RBFOX1: variants seen among roughly 807,000 people sequenced by gnomAD.
RBFOX1 encodes RNA binding fox-1 homolog 1.
In RBFOX1, 8 loss-of-function variants were observed where a neutral mutation model predicts 57.7. The observed-to-expected ratio is 0.14, with a 90% CI of 0.08 to 0.25. RBFOX1 has a LOEUF of 0.25. Among genes scored for constraint, RBFOX1 ranks in the 10% least tolerant of loss-of-function variants. The probability of loss-of-function intolerance (pLI) is 1.00; values close to 1 mark genes in which losing one functional copy is unlikely to be tolerated. For missense variants in RBFOX1, 611 were observed against 548.5 expected, an observed-to-expected ratio of 1.11 and a Z score of -1.14; for synonymous variants, 326 against 222.4, an observed-to-expected ratio of 1.47 and a Z score of -4.15.
chr16:7,249,284 C>G (rs1219518881), intron 4 of RBFOX1, among the ~76,000 whole-genome samples: 1 of 151,796 alleles, frequency 6.6e-6, no homozygotes, highest in East Asian at 1.9e-4. Flanking sequence ...TCCTTCTTTT[C>G]TTTCTATTGG....
At chr16:6,680,504 C>A (rs2058489577) in intron 3 of RBFOX1, among the ~76,000 whole-genome samples, 1 of 152,078 alleles carries the variant, frequency 6.6e-6, no homozygotes, top group Non-Finnish European at 1.5e-5. Flanking sequence ...ACCTCATGAT[C>A]CGCCTGCCTC....
At position 6,914,880 on chromosome 16, in the gene RBFOX1, C is replaced by A. The variant is rs1173039957; in HGVS notation, c.-15-137177C>A. Among the ~76,000 whole-genome samples, 2 of 152,144 alleles carry A rather than the reference C, an allele frequency of 1.3e-5. 1 individual carries two copies. The highest frequency in any genetic ancestry group is 4.1e-4 in the South Asian group (2 of 4,826). ...TCCAAGCTGGGCAACAGAGCAAGAC[C>A]CTCTCAAAAACAAAACACAGATGGA... On this transcript the variant is annotated intron_variant, in intron 3 of 15. Coordinates refer to ENST00000550418, the MANE Select transcript of RBFOX1 (RefSeq NM_018723.4).
intron 4 of RBFOX1, among the ~76,000 whole-genome samples, chr16:7,414,743 G>C (rs1234090154): frequency 2.0e-5 from 3 of 152,136 alleles, no homozygotes; most frequent in Admixed American, 1.3e-4. Context: ...TCAGCCTCCA[G>C]AGTAGCTGGG....
chr16:7,321,077 G>GTATACGTATACA (rs1555708943), intron 4 of RBFOX1, among the ~76,000 whole-genome samples: 4 of 142,634 alleles, frequency 2.8e-5, no homozygotes, highest in Admixed American at 7.3e-5. Flanking sequence ...CTATCTATAC[G>GTATACGTATACA]TATACATATA....
chr16:6,986,816 G>C lies in RBFOX1; in HGVS notation c.-15-65241G>C, dbSNP rs1346714478. Among the ~76,000 whole-genome samples the C allele has an allele frequency of 7.9e-5, 12 of 152,188 alleles. No individual in the cohort carries two copies. In the South Asian group the frequency reaches 8.3e-4, roughly 11 times the overall value. Reference sequence around the variant, plus strand: ...AATAACTGAACACGCTGTAGGGCAGGTGCCTGTATGTTTCACTTGTCTTGG... The same window carrying C: ...AATAACTGAACACGCTGTAGGGCAGCTGCCTGTATGTTTCACTTGTCTTGG... On this transcript the variant is annotated intron_variant, in intron 3 of 15. Coordinates refer to ENST00000550418, the MANE Select transcript of RBFOX1 (RefSeq NM_018723.4).
intron 1 of RBFOX1, among the ~76,000 whole-genome samples, chr16:6,131,003 T>A (rs760322707): frequency 6.6e-6 from 1 of 152,176 alleles, no homozygotes; most frequent in Non-Finnish European, 1.5e-5. Flanking sequence ...TATGCACTGA[T>A]GTGGATGAAT....
chr16:5,602,396 T>C (rs1157500275), downstream of RBFOX1, among the ~76,000 whole-genome samples: 1 of 152,238 alleles, frequency 6.6e-6, no homozygotes, highest in Non-Finnish European at 1.5e-5. Flanking sequence ...TTTAAAAAGA[T>C]GTACCCTCAA....
chr16:5,332,358 C>T (rs913158964), intron 1 of RBFOX1, among the ~76,000 whole-genome samples: 1 of 151,982 alleles, frequency 6.6e-6, no homozygotes, highest in East Asian at 1.9e-4. Flanking sequence ...ACCTCTGCTT[C>T]CTGGGTTCCA....
intron 3 of RBFOX1, among the ~76,000 whole-genome samples, chr16:6,792,556 T>A (rs1215032596): frequency 6.6e-6 from 1 of 152,198 alleles, no homozygotes; most frequent in South Asian, 2.1e-4. Flanking sequence ...GATGTCCCCA[T>A]GTACACTCAA....
chr16:7,248,949 C>G (rs1459472669), intron 4 of RBFOX1, among the ~76,000 whole-genome samples: 1 of 152,148 alleles, frequency 6.6e-6, no homozygotes, highest in Non-Finnish European at 1.5e-5. Flanking sequence ...CCATCTTGTT[C>G]TAGGAGAGGT....
intron 4 of RBFOX1, among the ~76,000 whole-genome samples, chr16:7,426,383 G>A (rs2098612518): frequency 6.6e-6 from 1 of 152,156 alleles, no homozygotes; most frequent in Non-Finnish European, 1.5e-5. Context: ...GGCACCATGG[G>A]CACAGGCTGC....
intron 2 of RBFOX1, among the ~76,000 whole-genome samples, chr16:6,579,623 T>A (rs1311112529): frequency 3.9e-5 from 6 of 152,180 alleles, no homozygotes. Flanking sequence ...TCCGCCACGA[T>A]TAGAAGTGTT....
chr16:7,108,499 C>T (rs1390935718), intron 4 of RBFOX1, among the ~76,000 whole-genome samples: 1 of 152,136 alleles, frequency 6.6e-6, no homozygotes, highest in Non-Finnish European at 1.5e-5. Flanking sequence ...CATGTACTGT[C>T]TCCAGGATAT....
intron 4 of RBFOX1, among the ~76,000 whole-genome samples, chr16:7,145,114 C>A (rs2074674505): frequency 6.6e-6 from 1 of 152,196 alleles, no homozygotes; most frequent in Non-Finnish European, 1.5e-5. Context: ...GACATAAGCA[C>A]CTACAAGTCT....
At chr16:7,643,095 T>C (rs944972548) in intron 11 of RBFOX1, among the ~76,000 whole-genome samples, 1 of 152,230 alleles carries the variant, frequency 6.6e-6, no homozygotes, top group Non-Finnish European at 1.5e-5. Flanking sequence ...CAGCTAACTT[T>C]GGGAGGTAAG....
At chr16:5,403,357 A>AC (rs1478755416) in intron 1 of RBFOX1, among the ~76,000 whole-genome samples, 16 of 149,536 alleles carry the variant, frequency 1.1e-4, no homozygotes, top group Admixed American at 2.6e-4. Flanking sequence ...CTCAAAAAAA[A>AC]AAAAAAAAAA....
intron 1 of RBFOX1, among the ~76,000 whole-genome samples, chr16:6,232,716 T>C (rs1257261199): frequency 6.6e-6 from 1 of 152,190 alleles, no homozygotes; most frequent in African/African-American, 2.4e-5. Context: ...CCTGCCTGTC[T>C]CTGAGTTTCT....
At chr16:6,293,303 T>A (rs79059819) in intron 1 of RBFOX1, among the ~76,000 whole-genome samples, 2,070 of 152,284 alleles carry the variant, frequency 0.014, 53 homozygotes, top group African/African-American at 0.047. Flanking sequence ...TCTGCCTCCT[T>A]AAGTATTATA....
intron 3 of RBFOX1, among the ~76,000 whole-genome samples, chr16:5,665,678 G>T (rs953216300): frequency 1.3e-5 from 2 of 152,162 alleles, no homozygotes; most frequent in Admixed American, 1.3e-4. Context: ...ATGTGTGGCT[G>T]GATTCCCTCT....
Sources: allele counts gnomAD v4.1 joint callset (sites outside exome capture counted in the v4.1 genomes callset), GRCh38; gene constraint gnomAD v4.1.1; transcripts MANE v1.5; gene names NCBI Gene and HGNC (gene_info 2026-07-23, HGNC 2026-07-21).